Variants in PCLO observed in about 807,000 individuals in gnomAD.
PCLO encodes the protein piccolo presynaptic cytomatrix protein.
PCLO carries 82 observed loss-of-function variants against 427.5 expected under a neutral mutation model. The observed-to-expected ratio is 0.19, with a 90% CI of 0.16 to 0.23. PCLO has a LOEUF of 0.23. PCLO is among the 10% of genes least tolerant of loss of function. The pLI is 1.00. For synonymous variants in PCLO, 2,357 were observed against 2,155.4 expected, an observed-to-expected ratio of 1.09 and a Z score of -2.59; for missense variants, 6,239 against 6,115.9, an observed-to-expected ratio of 1.02 and a Z score of -0.67.
At chr7:82,834,806 C>T (rs1792186176) in intron 16 of PCLO, among the ~76,000 whole-genome samples, 1 of 152,160 alleles carries the variant, frequency 6.6e-6, no homozygotes, top group South Asian at 2.1e-4. Flanking sequence ...GGAAGATTAA[C>T]TTATTGCTAA....
chr7:82,897,841 C>T (rs978596442), intron 9 of PCLO, among the ~76,000 whole-genome samples: 1 of 151,318 alleles, frequency 6.6e-6, no homozygotes, highest in Admixed American at 6.6e-5. Context: ...GATATCGTTA[C>T]AGCAGTGGCT....
chr7:82,886,671 A>G (rs974030354), intron 9 of PCLO, among the ~76,000 whole-genome samples: 8 of 152,196 alleles, frequency 5.3e-5, no homozygotes, highest in East Asian at 1.9e-4. Flanking sequence ...CTACTTTCCT[A>G]TATATATCAG....
chr7:83,117,152 C>T (rs774636857), intron 3 of PCLO, among the ~76,000 whole-genome samples: 1 of 152,158 alleles, frequency 6.6e-6, no homozygotes, highest in East Asian at 1.9e-4. Flanking sequence ...GTAGCAATCA[C>T]TACTAGCCCA....
chr7:82,826,832 T>C (rs1025777188), intron 17 of PCLO, among the ~76,000 whole-genome samples, 172 bp from the exon 18 acceptor site: 2 of 152,054 alleles, frequency 1.3e-5, no homozygotes, highest in Non-Finnish European at 2.9e-5. Flanking sequence ...TATGTAAAAT[T>C]TGAATGATTT....
intron 3 of PCLO, among the ~76,000 whole-genome samples, chr7:83,019,401 T>G (rs1385619411): frequency 6.6e-6 from 1 of 151,856 alleles, no homozygotes; most frequent in East Asian, 1.9e-4. Context: ...ATTGCATTTA[T>G]TTTATTGTAA....
intron 4 of PCLO, among the ~76,000 whole-genome samples, chr7:82,961,877 T>C (rs190149514): frequency 6.6e-6 from 1 of 152,306 alleles, no homozygotes. Context: ...CCAGCTTTCC[T>C]ATAATAGCTA....
chr7:82,840,611 T>C (rs937970018), intron 14 of PCLO, among the ~76,000 whole-genome samples: 2 of 152,156 alleles, frequency 1.3e-5, no homozygotes, highest in Admixed American at 1.3e-4. Flanking sequence ...ATACCTTTAA[T>C]TGTACTCTTT....
intron 3 of PCLO, among the ~76,000 whole-genome samples, chr7:83,093,749 T>A (rs1484479369): frequency 2.1e-5 from 3 of 140,810 alleles, no homozygotes; most frequent in Admixed American, 7.3e-5. Flanking sequence ...AGCCTCGGCC[T>A]CCCAAAGCGT....
At chr7:83,020,824 C>T (rs1456627246) in intron 3 of PCLO, among the ~76,000 whole-genome samples, 1 of 152,022 alleles carries the variant, frequency 6.6e-6, no homozygotes, top group Non-Finnish European at 1.5e-5. Context: ...TGAGAATAAA[C>T]CAAGCTTGTG....
At chr7:82,772,871 C>A (rs1482219523) in intron 22 of PCLO, among the ~76,000 whole-genome samples, 1 of 151,994 alleles carries the variant, frequency 6.6e-6, no homozygotes, top group Non-Finnish European at 1.5e-5. Context: ...ACAACAACAA[C>A]AAAAATGTTT....
intron 6 of PCLO, among the ~76,000 whole-genome samples, chr7:82,928,771 A>C (rs1044132475): frequency 9.2e-5 from 14 of 152,192 alleles, no homozygotes; most frequent in African/African-American, 3.4e-4. Flanking sequence ...GGTGGTGGAA[A>C]CAAGATGTAA....
intron 6 of PCLO, among the ~76,000 whole-genome samples, chr7:82,917,416 G>A (rs1367895379): frequency 6.6e-6 from 1 of 151,782 alleles, no homozygotes; most frequent in Admixed American, 6.6e-5. Flanking sequence ...CTGCAGTATA[G>A]TTTCTTTTTA....
chr7:82,775,949 G>T (rs1333294157), intron 22 of PCLO, among the ~76,000 whole-genome samples: 1 of 152,064 alleles, frequency 6.6e-6, no homozygotes, highest in Non-Finnish European at 1.5e-5. Context: ...TTTGTGAATA[G>T]ATAAAATACT....
intron 3 of PCLO, among the ~76,000 whole-genome samples, chr7:83,069,350 G>A (rs1789747918): frequency 6.6e-6 from 1 of 152,080 alleles, no homozygotes; most frequent in African/African-American, 2.4e-5. Context: ...ACTCATAAGT[G>A]AACCCATGGG....
At chr7:82,932,717 A>G (rs906504900) in intron 6 of PCLO, among the ~76,000 whole-genome samples, 1 of 152,124 alleles carries the variant, frequency 6.6e-6, no homozygotes, top group African/African-American at 2.4e-5. Context: ...GACTTTTACT[A>G]CATAAAGGTG....
At chr7:82,803,349 T>C (rs575042184) in intron 21 of PCLO, among the ~76,000 whole-genome samples, 19 of 152,192 alleles carry the variant, frequency 1.2e-4, no homozygotes, top group Middle Eastern at 3.4e-3. Flanking sequence ...TCTTATACTA[T>C]CCCAGACTTT....
At chr7:83,114,646 G>A (rs892780246) in intron 3 of PCLO, among the ~76,000 whole-genome samples, 6 of 151,784 alleles carry the variant, frequency 4.0e-5, no homozygotes, top group Non-Finnish European at 8.8e-5. Context: ...TAAAATGTTG[G>A]GGAAAAAACT....
chr7:82,758,624 C>T lies in PCLO; in HGVS notation c.15380G>A (p.Arg5127Lys), dbSNP rs1360752444. The change falls in exon 25 of 25, where the codon AGA (arginine) becomes AAA (lysine). Residue 5127 changes from arginine to lysine, a missense_variant. This residue lies in a region of PCLO where 877 missense variants were observed against 925.5 expected (regional missense o/e 0.95). Coordinates refer to ENST00000333891, the MANE Select transcript of PCLO (RefSeq NM_033026.6). ...CAAAAGTTTGTGCCAGTTGACTATT[C>T]TTTTTCTGAGATCCACTTTGTCAAG... ...IWLDKVDLRKRIVNWHKLLVS... is the reference protein window; with the variant it reads ...IWLDKVDLRKKIVNWHKLLVS... 6.2e-7 allele frequency: 1 copy of T among 1,611,942 alleles called. No homozygotes were observed. The highest frequency in any genetic ancestry group is 8.5e-7 in the Non-Finnish European group (1 of 1,178,460).
intron 10 of PCLO, among the ~76,000 whole-genome samples, chr7:82,855,674 T>C (rs781048315): frequency 2.0e-5 from 3 of 152,110 alleles, no homozygotes; most frequent in East Asian, 1.9e-4. Flanking sequence ...CAGAAATGAA[T>C]AAAATTTGAT....
Sources: allele counts gnomAD v4.1 joint callset (sites outside exome capture counted in the v4.1 genomes callset), GRCh38; gene constraint gnomAD v4.1.1; regional missense constraint gnomAD v4.1.1; transcripts MANE v1.5; gene names NCBI Gene and HGNC (gene_info 2026-07-23, HGNC 2026-07-21).